The following CD200R1L variants were observed in gnomAD, a reference collection of about 807,000 sequenced individuals.
CD200R1L encodes the protein cell surface glycoprotein CD200 receptor 2.
CD200R1L carries 14 observed loss-of-function variants against 24.8 expected under a neutral mutation model. The observed-to-expected ratio is 0.56, with a 90% confidence interval of 0.37 to 0.88. The LOEUF (loss-of-function observed/expected upper bound fraction) is 0.88. Among genes scored for constraint, CD200R1L ranks in the 40% least tolerant of loss-of-function variants. The pLI, the probability that CD200R1L is intolerant of heterozygous loss-of-function variation, is 0.00. For synonymous variants in CD200R1L, 111 were observed against 109.2 expected (o/e 1.02, Z -0.11); for missense variants, 299 against 297.8 (o/e 1.00, Z -0.03).
intron 7 of CD200R1L, 48 bp downstream of exon 7, chr3:112,819,723 AC>A: frequency 6.2e-6 from 9 of 1,456,870 alleles, no homozygotes; most frequent in Non-Finnish European, 8.2e-6. Context: ...TTACAATGAT[AC>A]TTTTTTTTTT....
chr3:112,841,684 G>C (rs1939084098), intron 2 of CD200R1L, among the ~76,000 whole-genome samples: 1 of 152,196 alleles, frequency 6.6e-6, no homozygotes, highest in Non-Finnish European at 1.5e-5. Flanking sequence ...CAAGGCCCAT[G>C]CCTTGCCACT....
At chr3:112,838,489 CAA>C (rs369499771) in intron 2 of CD200R1L, among the ~76,000 whole-genome samples, 1 of 136,980 alleles carries the variant, frequency 7.3e-6, no homozygotes, top group Admixed American at 7.0e-5. Context: ...AACAAACAAA[CAA>C]AAAAAAACGG....
chr3:112,831,090 TTATAAG>T (rs1239992829), intron 3 of CD200R1L, among the ~76,000 whole-genome samples: 8 of 152,234 alleles, frequency 5.3e-5, no homozygotes, highest in Admixed American at 2.0e-4. Flanking sequence ...TATTAGTTGC[TTATAAG>T]TATAATTTTT....
At chr3:112,844,136 A>AC (rs1939142573) in intron 2 of CD200R1L, among the ~76,000 whole-genome samples, 1 of 152,254 alleles carries the variant, frequency 6.6e-6, no homozygotes, top group East Asian at 1.9e-4. Flanking sequence ...GTGTTAGATC[A>AC]TCAAGGCAGA....
Position 112,819,756 on chromosome 3 carries a change from A to C in CD200R1L, c.740+16T>G. Reference sequence around the variant, plus strand: ...TTTTCTACTGTGTCTTATGCTTTTCAGTCTTCAGTTCCTACCTGACATGAT... The same window carrying C: ...TTTTCTACTGTGTCTTATGCTTTTCCGTCTTCAGTTCCTACCTGACATGAT... On this transcript the variant is annotated intron_variant, in intron 7 of 7. Coordinates refer to ENST00000488794, the MANE Select transcript of CD200R1L (RefSeq NM_001199215.3). 1 of 1,582,274 alleles carries C rather than the reference A, an allele frequency of 6.3e-7. No individual in the cohort carries two copies. Among genetic ancestry groups the C allele is most frequent in the Non-Finnish European group, 8.5e-7 (1 of 1,170,600 alleles).
chr3:112,838,473 A>AAAAC (rs1163940956), intron 2 of CD200R1L, among the ~76,000 whole-genome samples: 1 of 125,410 alleles, frequency 8.0e-6, no homozygotes, highest in Non-Finnish European at 1.7e-5. Flanking sequence ...ATTTGCAAAA[A>AAAAC]AAACAAACAA....
intron 6 of CD200R1L, among the ~76,000 whole-genome samples, chr3:112,825,150 G>A (rs1462935694): frequency 2.0e-5 from 3 of 151,680 alleles, no homozygotes; most frequent in Non-Finnish European, 4.4e-5. Flanking sequence ...GAGGCAGGAG[G>A]ATGGCATGAA....
At chr3:112,835,497 G>C (rs1024993240) in intron 3 of CD200R1L, among the ~76,000 whole-genome samples, 1 of 152,316 alleles carries the variant, frequency 6.6e-6, no homozygotes, top group African/African-American at 2.4e-5. Context: ...CATGCCAGTT[G>C]GTCCATGGGT....
At chr3:112,822,057 T>C (rs1938549815) in intron 6 of CD200R1L, among the ~76,000 whole-genome samples, 1 of 152,238 alleles carries the variant, frequency 6.6e-6, no homozygotes, top group South Asian at 2.1e-4. Flanking sequence ...CTTGTATGTG[T>C]CAGCAACTGT....
intron 4 of CD200R1L, 69 bp downstream of exon 4, chr3:112,829,250 A>G: frequency 8.2e-7 from 1 of 1,221,048 alleles, no homozygotes; most frequent in South Asian, 1.2e-5. Context: ...CCAGGCCATC[A>G]GCTAATGATT....
Position 112,818,515 on chromosome 3 carries a change from G to T in CD200R1L, c.740+1257C>A, listed in dbSNP as rs553639946. Among the ~76,000 whole-genome samples, 15 of 152,326 alleles carry T rather than the reference G, an allele frequency of 9.8e-5. No individual in the cohort carries two copies. In the South Asian group the frequency reaches 2.7e-3, roughly 27 times the overall value. On this transcript the variant is annotated intron_variant, in intron 7 of 7. Transcript: ENST00000488794. ...ATCAGTCCAAACATGCAATACTACT[G>T]CTCCACTAATTGCTAGCAAGCAAGT...
intron 3 of CD200R1L, 67 bp from the exon 4 acceptor site, chr3:112,829,451 C>G: frequency 6.9e-7 from 1 of 1,451,004 alleles, no homozygotes; most frequent in Non-Finnish European, 9.6e-7. Flanking sequence ...ACAAGTGTTT[C>G]CCCACAGTCT....
At position 112,819,805 on chromosome 3, in the gene CD200R1L, C is replaced by G. The variant is rs1938488831; in HGVS notation, c.707G>C (p.Gly236Ala). 1 of 1,611,202 alleles carries G rather than the reference C, an allele frequency of 6.2e-7. No individual in the cohort carries two copies. Among genetic ancestry groups the G allele is most frequent in the Non-Finnish European group, 8.5e-7 (1 of 1,179,008 alleles). ...SLFVVILVTT[G>A]FVFFQRINHV... ...ATTTATCCTCTGGAAGAAAACAAAT[C>G]CTGTGGTGACCAGAATGACCACAAA... The change falls in exon 7 of 8, where the codon GGA becomes GCA. Residue 236 changes from glycine to alanine, a missense_variant. Physicochemically the swap from Gly to Ala is moderately conservative, Grantham distance 60 (BLOSUM62 0). Coordinates refer to ENST00000488794, the MANE Select transcript of CD200R1L (RefSeq NM_001199215.3).
At chr3:112,841,269 A>G (rs146027074) in intron 2 of CD200R1L, 243 of 451,774 alleles carry the variant, frequency 5.4e-4, no homozygotes, top group African/African-American at 4.3e-3. Context: ...ATTTGAAGAC[A>G]TGCTTGCTTC....
intron 6 of CD200R1L, among the ~76,000 whole-genome samples, chr3:112,821,792 T>C (rs1014094097): frequency 2.0e-5 from 3 of 152,228 alleles, no homozygotes; most frequent in Non-Finnish European, 4.4e-5. Flanking sequence ...CAGTGCTGGA[T>C]GAACATTACA....
chr3:112,827,043 T>C lies in CD200R1L; in HGVS notation c.566A>G (p.His189Arg), dbSNP rs1410520040. ...WEGHKSTVTC[H>R]VSHLTGNKSL... ...CTTGTTGCCAGTCAAATGGGAGACA[T>C]GGCAGGTCACAGTAGACTTGTGGCC... The change falls in exon 6 of 8, where the codon CAT (histidine) becomes CGT (arginine). Residue 189 changes from histidine (H) to arginine (R), a missense_variant. By Grantham distance (29) the His-to-Arg change is conservative. Coordinates refer to ENST00000488794, the MANE Select transcript of CD200R1L (RefSeq NM_001199215.3). 3 of 1,610,866 alleles carry C rather than the reference T, an allele frequency of 1.9e-6. No homozygotes were observed. Among genetic ancestry groups the C allele is most frequent in the Non-Finnish European group, 2.5e-6 (3 of 1,178,942 alleles).
chr3:112,818,132 G>A (rs1938441096), intron 7 of CD200R1L, among the ~76,000 whole-genome samples: 1 of 152,108 alleles, frequency 6.6e-6, no homozygotes, highest in Admixed American at 6.5e-5. Flanking sequence ...TTTTTGTGGG[G>A]ACACAGCCAA....
intron 4 of CD200R1L, among the ~76,000 whole-genome samples, chr3:112,828,306 CAT>C (rs1938715499): frequency 6.6e-6 from 1 of 152,076 alleles, no homozygotes; most frequent in African/African-American, 2.4e-5. Flanking sequence ...TAGATAATTA[CAT>C]GTTTTGTTTA....
chr3:112,817,949 A>G (rs1478996795), intron 7 of CD200R1L, among the ~76,000 whole-genome samples: 1 of 152,192 alleles, frequency 6.6e-6, no homozygotes, highest in Non-Finnish European at 1.5e-5. Context: ...GCAGCAAGAG[A>G]AAATGAGGAA....
Sources: allele counts gnomAD v4.1 joint callset (sites outside exome capture counted in the v4.1 genomes callset), GRCh38; gene constraint gnomAD v4.1.1; transcripts MANE v1.5; gene names NCBI Gene and HGNC (gene_info 2026-07-23, HGNC 2026-07-21).